Variants in DPP10 observed in about 807,000 individuals in gnomAD.
DPP10 encodes the protein dipeptidyl peptidase like 10.
In DPP10, 33 loss-of-function variants were observed where a neutral mutation model predicts 120.9. The observed-to-expected ratio is 0.27, with a 90% confidence interval of 0.21 to 0.37. The LOEUF is 0.37. DPP10 is among the 10% of genes least tolerant of loss of function. DPP10 has a pLI of 1.00. For missense variants in DPP10, 816 were observed against 942.8 expected, an observed-to-expected ratio of 0.87 and a Z score of 1.76; for synonymous variants, 337 against 326.1, an observed-to-expected ratio of 1.03 and a Z score of -0.36.
chr2:114,924,407 A>C (rs1695441403), intron 1 of DPP10, among the ~76,000 whole-genome samples: 1 of 152,090 alleles, frequency 6.6e-6, no homozygotes, highest in Non-Finnish European at 1.5e-5. Context: ...TGTGCCGTTA[A>C]TCCCAGCTAC....
At chr2:115,827,096 A>AT (rs1260290947) in intron 21 of DPP10, among the ~76,000 whole-genome samples, 1 of 151,856 alleles carries the variant, frequency 6.6e-6, no homozygotes, top group Non-Finnish European at 1.5e-5. Flanking sequence ...TTAAAAGAGC[A>AT]TTTTTTATAA....
chr2:115,565,381 T>C (rs111527310), intron 5 of DPP10, among the ~76,000 whole-genome samples: 7 of 152,340 alleles, frequency 4.6e-5, no homozygotes, highest in African/African-American at 1.2e-4. Flanking sequence ...GCCCACATTA[T>C]GCCCTTTTAG....
At chr2:114,461,952 G>T (rs946386479) in intron 1 of DPP10, 1 of 985,224 alleles carries the variant, frequency 1.0e-6, no homozygotes, top group African/African-American at 1.7e-5. Flanking sequence ...AAATAATGAG[G>T]CCTCGACCAT....
At chr2:115,511,467 CATCT>C (rs1006492083) in intron 4 of DPP10, among the ~76,000 whole-genome samples, 3 of 151,774 alleles carry the variant, frequency 2.0e-5, no homozygotes, top group African/African-American at 7.3e-5. Flanking sequence ...TTTTCTCATC[CATCT>C]ATCTAGAGGC....
At position 114,697,519 on chromosome 2, in the gene DPP10, G is replaced by A. The variant is rs141552970; in HGVS notation, c.60+254681G>A. Among the ~76,000 whole-genome samples, 147 of 152,066 alleles carry A rather than the reference G, an allele frequency of 9.7e-4. 1 individual carries two copies. Among genetic ancestry groups the A allele is most frequent in the African/African-American group, 3.3e-3 (137 of 41,496 alleles). ...TAATCCCAGCACTTTGGGAGGCCGAGGAGGGTGGATCATGAGGTCAGCAAT... is the reference window on the plus strand; with the variant it reads ...TAATCCCAGCACTTTGGGAGGCCGAAGAGGGTGGATCATGAGGTCAGCAAT... On this transcript the variant is annotated intron_variant, in intron 1 of 25. Coordinates refer to ENST00000410059, the MANE Select transcript of DPP10 (RefSeq NM_020868.6).
At chr2:115,010,991 A>G (rs1472762503) in intron 1 of DPP10, among the ~76,000 whole-genome samples, 7 of 152,208 alleles carry the variant, frequency 4.6e-5, no homozygotes, top group Non-Finnish European at 8.8e-5. Flanking sequence ...TTGTCTTTTC[A>G]ATCAGTTTAA....
chr2:114,714,760 T>G (rs1421265874), intron 1 of DPP10, among the ~76,000 whole-genome samples: 1 of 152,126 alleles, frequency 6.6e-6, no homozygotes, highest in Non-Finnish European at 1.5e-5. Flanking sequence ...AAGTCTATGA[T>G]TGTTTTTTTT....
intron 1 of DPP10, among the ~76,000 whole-genome samples, chr2:115,167,137 C>T (rs561628633): frequency 7.2e-5 from 11 of 151,942 alleles, no homozygotes; most frequent in Admixed American, 7.2e-4. Flanking sequence ...GACTGCAGTT[C>T]CCTTTAGATG....
At chr2:115,016,202 A>C (rs969089996) in intron 1 of DPP10, among the ~76,000 whole-genome samples, 3 of 152,210 alleles carry the variant, frequency 2.0e-5, no homozygotes, top group African/African-American at 7.2e-5. Flanking sequence ...ATAATGCCAC[A>C]TATCTACAAC....
chr2:114,988,192 T>G (rs142550968), intron 1 of DPP10, among the ~76,000 whole-genome samples: 2 of 152,322 alleles, frequency 1.3e-5, no homozygotes, highest in East Asian at 3.9e-4. Context: ...TCACCAAATT[T>G]TATGTACCCA....
intron 11 of DPP10, among the ~76,000 whole-genome samples, chr2:115,753,761 A>T (rs1305054793): frequency 6.6e-6 from 1 of 152,138 alleles, no homozygotes; most frequent in South Asian, 2.1e-4. Context: ...TGGTTCATGA[A>T]CTACTCTGTT....
At chr2:115,696,947 G>C (rs2091625111) in intron 7 of DPP10, among the ~76,000 whole-genome samples, 2 of 152,050 alleles carry the variant, frequency 1.3e-5, no homozygotes, top group South Asian at 4.1e-4. Context: ...ATTGAGGGAG[G>C]TGAGGATGAA....
At position 115,383,300 on chromosome 2, in the gene DPP10, G is replaced by A. The variant is rs145329672; in HGVS notation, c.271+39388G>A. ...TGAATAAGTCTCACAAGATATGATG[G>A]TTTTATACAGGGGAGTTTCCCTGCA... is the stretch of plus-strand genomic sequence containing the variant. On this transcript the variant is annotated intron_variant, in intron 3 of 25. Coordinates refer to ENST00000410059, the MANE Select transcript of DPP10 (RefSeq NM_020868.6). Among the ~76,000 whole-genome samples, 710 of 152,256 alleles carry A rather than the reference G, an allele frequency of 4.7e-3. 6 individuals carry two copies. Among genetic ancestry groups the A allele is most frequent in the African/African-American group, 0.015 (637 of 41,546 alleles).
rs533679778 is a variant in DPP10 at position 115,560,915 on chromosome 2, A to T, written c.441+34943A>T. 3.7e-4 allele frequency among the ~76,000 whole-genome samples: 56 copies of T among 152,242 alleles called. 2 individuals carry two copies. The South Asian group carries it at 8.3e-3, about 23-fold the overall frequency. On this transcript the variant is annotated intron_variant, in intron 5 of 25. Transcript: ENST00000410059. ...CATGGGTGCCTCTATTTATTTAGACATCTATCTTCACCACTCACTTTCAAG... is the reference window on the plus strand; with the variant it reads ...CATGGGTGCCTCTATTTATTTAGACTTCTATCTTCACCACTCACTTTCAAG...
chr2:115,161,790 G>T (rs1442434117), intron 1 of DPP10: 3 of 631,650 alleles, frequency 4.7e-6, no homozygotes, highest in South Asian at 3.2e-5. Context: ...CGGGGAGCCC[G>T]CCCGGTGCCG....
chr2:115,442,117 G>GT lies in DPP10; in HGVS notation c.272-57383dup, dbSNP rs1004266683. ...ATGAGCCACTGCATCCAGCTGACAA[G>GT]TTTTTTTTTTAAATTTGTTGCATTG... On this transcript the variant is annotated intron_variant, in intron 3 of 25. Coordinates refer to ENST00000410059, the MANE Select transcript of DPP10 (RefSeq NM_020868.6). Among the ~76,000 whole-genome samples the GT allele has an allele frequency of 2.9e-4, 43 of 149,428 alleles. 1 individual carries two copies. The highest frequency in any genetic ancestry group is 3.5e-3 in the Middle Eastern group (1 of 286).
chr2:115,723,485 A>C (rs2092693400), intron 7 of DPP10, among the ~76,000 whole-genome samples: 1 of 152,186 alleles, frequency 6.6e-6, no homozygotes, highest in Non-Finnish European at 1.5e-5. Context: ...CAGGCATTCG[A>C]TTATGATGAG....
chr2:114,586,323 C>A (rs755304480), intron 1 of DPP10, among the ~76,000 whole-genome samples: 1 of 152,132 alleles, frequency 6.6e-6, no homozygotes, highest in Non-Finnish European at 1.5e-5. Context: ...TAAGCTCTTG[C>A]CCCACATCAA....
At chr2:114,919,054 A>T (rs1013340870) in intron 1 of DPP10, among the ~76,000 whole-genome samples, 1 of 130,982 alleles carries the variant, frequency 7.6e-6, no homozygotes, top group Admixed American at 7.7e-5. Context: ...AAAAAAAAAA[A>T]GACCTTTCTG....
Sources: allele counts gnomAD v4.1 joint callset (sites outside exome capture counted in the v4.1 genomes callset), GRCh38; gene constraint gnomAD v4.1.1; transcripts MANE v1.5; gene names NCBI Gene and HGNC (gene_info 2026-07-23, HGNC 2026-07-21).